Variants in DNAH14 observed in about 807,000 individuals in gnomAD.
DNAH14 encodes dynein axonemal heavy chain 14.
In DNAH14, 478 loss-of-function variants were observed where a neutral mutation model predicts 520.9. The ratio of observed to expected loss-of-function variants is 0.92; its 90% confidence interval spans 0.85 to 0.99. The LOEUF (loss-of-function observed/expected upper bound fraction) is 0.99. Ranked by LOEUF, DNAH14 falls within the 50% of genes least tolerant of loss-of-function variation. The probability of loss-of-function intolerance (pLI) is 0.00; values close to 1 mark genes in which losing one functional copy is unlikely to be tolerated. For synonymous variants in DNAH14, 1,581 were observed against 1,757.2 expected, an observed-to-expected ratio of 0.90 and a Z score of 2.51; for missense variants, 4,831 against 5,234.5, an observed-to-expected ratio of 0.92 and a Z score of 2.38.
chr1:224,993,204 A>G (rs1311973327), intron 8 of DNAH14, among the ~76,000 whole-genome samples: 1 of 152,036 alleles, frequency 6.6e-6, no homozygotes, highest in Non-Finnish European at 1.5e-5. Flanking sequence ...TTGGATCATG[A>G]TAGTGCTGGG....
At chr1:225,093,456 C>A (rs1038072904) in intron 21 of DNAH14, among the ~76,000 whole-genome samples, 22 of 152,174 alleles carry the variant, frequency 1.4e-4, no homozygotes, top group African/African-American at 5.3e-4. Context: ...AAACCCTCAA[C>A]AAACTAGGCT....
Position 225,333,506 on chromosome 1 carries a change from G to A in DNAH14, c.10080G>A (p.Glu3360=). ...TTAAAGTTATGGCACAAAAATATGAGGTAATAACATATTTCTATTATCCAG... is the reference window on the plus strand; with the variant it reads ...TTAAAGTTATGGCACAAAAATATGAAGTAATAACATATTTCTATTATCCAG... ...SLIKVMAQKY[E]ISRWHNQGLP... Residue 3360 remains glutamate, a splice_region_variant and synonymous_variant, in exon 66 of 86, where the codon GAG becomes GAA. Transcript: ENST00000682510. 1 of 1,542,754 alleles carries A rather than the reference G, an allele frequency of 6.5e-7. No homozygotes were observed. Among genetic ancestry groups the A allele is most frequent in the Admixed American group, 2.0e-5 (1 of 50,944 alleles).
chr1:225,040,903 G>A (rs2067418736), intron 12 of DNAH14, among the ~76,000 whole-genome samples: 2 of 152,160 alleles, frequency 1.3e-5, no homozygotes, highest in African/African-American at 4.8e-5. Context: ...AATCAGATAG[G>A]TGTGAAATGG....
At chr1:225,019,361 A>G (rs1382638250) in intron 10 of DNAH14, among the ~76,000 whole-genome samples, 4 of 152,246 alleles carry the variant, frequency 2.6e-5, no homozygotes, top group African/African-American at 9.6e-5. Flanking sequence ...GTTCAGTACT[A>G]AAAGACTTAA....
chr1:225,038,844 TA>T, intron 12 of DNAH14, 21 bp downstream of exon 12: 1 of 1,452,176 alleles, frequency 6.9e-7, no homozygotes, highest in South Asian at 1.4e-5. Context: ...CTTTGAAAAA[TA>T]TAAACATAGA....
intron 35 of DNAH14, among the ~76,000 whole-genome samples, chr1:225,164,172 G>T (rs1259752472): frequency 2.0e-5 from 3 of 151,986 alleles, no homozygotes; most frequent in African/African-American, 7.2e-5. Flanking sequence ...CTGCACATCT[G>T]TCAGTTGTTG....
chr1:225,334,340 A>C (rs923074131), intron 66 of DNAH14, among the ~76,000 whole-genome samples: 6 of 152,148 alleles, frequency 3.9e-5, no homozygotes, highest in African/African-American at 1.2e-4. Flanking sequence ...AAATTAAAAA[A>C]TTACTGAGCA....
chr1:225,259,496 A>G (rs933659910), intron 46 of DNAH14, among the ~76,000 whole-genome samples: 2 of 152,170 alleles, frequency 1.3e-5, no homozygotes, highest in Non-Finnish European at 2.9e-5. Flanking sequence ...GCTTTGATGT[A>G]TATACATATT....
chr1:224,934,084 C>T (rs2449321), intron 1 of DNAH14, among the ~76,000 whole-genome samples: 14,564 of 151,898 alleles, frequency 0.096, 2,258 homozygotes, highest in African/African-American at 0.33. Context: ...ACTGTTACAC[C>T]AGATGCACAG....
At chr1:225,127,492 T>C (rs1045559170) in intron 27 of DNAH14, among the ~76,000 whole-genome samples, 15 of 152,166 alleles carry the variant, frequency 9.9e-5, no homozygotes, top group Admixed American at 6.5e-5. Context: ...TGATCTTTGT[T>C]GGTTTAAATT....
At position 225,305,109 on chromosome 1, in the gene DNAH14, TC is replaced by T; in HGVS notation, c.9005+21del. 6.6e-7 allele frequency: 1 copy of T among 1,513,268 alleles called. No individual in the cohort carries two copies. Among genetic ancestry groups the T allele is most frequent in the Non-Finnish European group, 8.8e-7 (1 of 1,137,870 alleles). 93.7% of individuals were successfully genotyped at this position (1,513,268 alleles called of 1,614,324 possible). ...AAAGAGGTAAGACTTTGAGAACAAA[TC>T]ATAAATATATTTTATATTGGTGTTT... is the stretch of plus-strand genomic sequence containing the variant. On this transcript the variant is annotated intron_variant, in intron 58 of 85. Transcript: ENST00000682510.
In DNAH14 at chr1:225,351,708, G is replaced by A. The variant is rs1049002984; in HGVS notation, c.11358G>A (p.Gln3786=). 5 of 1,551,210 alleles carry A rather than the reference G, an allele frequency of 3.2e-6. No homozygotes were observed. The South Asian group carries it at 4.8e-5, about 15-fold the overall frequency. The change falls in exon 72 of 86, where the codon CAG becomes CAA. Residue 3786 remains glutamine (Q), a synonymous_variant. Transcript: ENST00000682510. ...LQWLSDSRWR[Q]CQYVSTHLEP... Reference sequence around the variant, plus strand: ...GGCTGTCAGATTCCAGGTGGAGGCAGTGCCAATATGTCAGCACTCACCTGG... The same window carrying A: ...GGCTGTCAGATTCCAGGTGGAGGCAATGCCAATATGTCAGCACTCACCTGG...
At chr1:225,189,699 C>G (rs771585190) in intron 37 of DNAH14, among the ~76,000 whole-genome samples, 4 of 151,906 alleles carry the variant, frequency 2.6e-5, no homozygotes, top group Non-Finnish European at 5.9e-5. Context: ...TAAAGTCAGT[C>G]TCTTGTATGC....
intron 10 of DNAH14, 84 bp downstream of exon 10, chr1:225,007,628 T>A: frequency 8.5e-7 from 1 of 1,178,414 alleles, no homozygotes; most frequent in Non-Finnish European, 1.1e-6. Flanking sequence ...CTGGAAAAAG[T>A]ATCTGAAATG....
chr1:225,081,696 T>C (rs1004006297), intron 19 of DNAH14, among the ~76,000 whole-genome samples: 1 of 152,128 alleles, frequency 6.6e-6, no homozygotes, highest in Non-Finnish European at 1.5e-5. Flanking sequence ...GTTTTTTGAG[T>C]GTATGGGTGA....
chr1:225,047,183 T>G (rs1242784555), intron 15 of DNAH14, among the ~76,000 whole-genome samples: 1 of 152,306 alleles, frequency 6.6e-6, no homozygotes, highest in East Asian at 1.9e-4. Context: ...TCTTTTTGTT[T>G]GTCCATTTTA....
rs1288611326 is a variant in DNAH14, at chr1:225,136,522, A to T, written c.4255-4246A>T. Among the ~76,000 whole-genome samples the T allele has an allele frequency of 4.6e-5, 7 of 152,250 alleles. No homozygotes were observed. The East Asian group carries it at 1.4e-3, about 29-fold the overall frequency. On this transcript the variant is annotated intron_variant, in intron 27 of 85. Coordinates refer to ENST00000682510, the MANE Select transcript of DNAH14 (RefSeq NM_001367479.1). Reference sequence around the variant, plus strand: ...TTTCAGGGTTTCCAATGAGAGGTCCACTATTAGTCTGATGGGTTTTCCCTT... The same window carrying T: ...TTTCAGGGTTTCCAATGAGAGGTCCTCTATTAGTCTGATGGGTTTTCCCTT...
chr1:225,216,681 T>A (rs947583114), intron 41 of DNAH14, among the ~76,000 whole-genome samples: 2 of 152,222 alleles, frequency 1.3e-5, no homozygotes, highest in African/African-American at 4.8e-5. Flanking sequence ...TTCCACTTGA[T>A]CAAATTGGCT....
chr1:225,246,861 G>A (rs181865341), intron 43 of DNAH14, among the ~76,000 whole-genome samples: 52 of 152,266 alleles, frequency 3.4e-4, no homozygotes, highest in Admixed American at 1.1e-3. Context: ...ATTTGACCCA[G>A]CAATCCCATT....
Sources: gnomAD v4.1 joint callset for allele counts (sites outside exome capture counted in the v4.1 genomes callset) on GRCh38, gnomAD v4.1.1 for gene constraint, MANE v1.5 for transcripts, NCBI Gene and HGNC (gene_info 2026-07-23, HGNC 2026-07-21) for gene names.